Variants in PPP1R13L observed in about 807,000 individuals in gnomAD.
The protein encoded by PPP1R13L is protein phosphatase 1 regulatory subunit 13 like, also known as relA-associated inhibitor.
A neutral mutation model predicts 80.9 loss-of-function variants in PPP1R13L; 50 were observed. That is an observed-to-expected ratio of 0.62 (90% CI 0.49 to 0.78). PPP1R13L has a LOEUF of 0.78. PPP1R13L is among the 30% of genes least tolerant of loss of function. PPP1R13L has a pLI of 0.00. For synonymous variants in PPP1R13L, 602 were observed against 534.3 expected, an observed-to-expected ratio of 1.13 and a Z score of -1.75; for missense variants, 1,200 against 1,205.9, an observed-to-expected ratio of 1.00 and a Z score of 0.07.
At chr19:45,380,355 C>G in intron 12 of PPP1R13L, 127 bp from the exon 13 acceptor site, 1 of 1,044,460 alleles carries the variant, frequency 9.6e-7, no homozygotes, top group Non-Finnish European at 1.4e-6. Context: ...CAAACTGCTC[C>G]AGAATCCAAG....
intron 7 of PPP1R13L, 126 bp from the exon 8 acceptor site, chr19:45,392,466 C>A (rs1338425826): frequency 1.1e-6 from 1 of 944,430 alleles, no homozygotes; most frequent in Non-Finnish European, 1.7e-6. Context: ...GTTCCTTGCC[C>A]TCTCTGGGCT....
Position 45,385,603 on chromosome 19 carries a change from G to A in PPP1R13L, c.2207C>T (p.Pro736Leu), listed in dbSNP as rs1330747017. 4 of 1,613,066 alleles carry A rather than the reference G, an allele frequency of 2.5e-6. No individual in the cohort carries two copies. The African/African-American group carries it at 5.3e-5, about 22-fold the overall frequency. Residue 736 changes from proline to leucine, a missense_variant, in exon 11 of 13, where the codon CCT becomes CTT. Pro to Leu is a moderately conservative substitution (Grantham distance 98). Transcript: ENST00000360957. ...GCAGTCAGCATAACCCTCGCGGTAA[G>A]GGTCGCACTTCTCGAAGGCGGTGGC... ...DGATAFEKCD[P>L]YREGYADCAT...
chr19:45,398,429 C>T lies in PPP1R13L; in HGVS notation c.-21-90G>A, dbSNP rs1210112429. 51 of 1,267,476 alleles carry T rather than the reference C, an allele frequency of 4.0e-5. No homozygotes were observed. In the Admixed American group the frequency reaches 1.1e-3, roughly 27 times the overall value. 78.5% of individuals were successfully genotyped at this position (1,267,476 alleles called of 1,614,324 possible). On this transcript the variant is annotated intron_variant, in intron 1 of 12. Transcript: ENST00000360957. Reference sequence around the variant, plus strand: ...TCAGACGCCGTCAGGAGCGGGACAACGCCTCAACTCAGTTCCTTCCCCTGG... The same window carrying T: ...TCAGACGCCGTCAGGAGCGGGACAATGCCTCAACTCAGTTCCTTCCCCTGG...
In PPP1R13L at chr19:45,385,599, G is replaced by GT. The variant is rs759237982; in HGVS notation, c.2210dup (p.Tyr737Ter). The GT allele has an allele frequency of 6.2e-7, 1 of 1,613,086 alleles. No homozygotes were observed. The change falls in exon 11 of 13, where the codon TAC becomes TAAC. Residue 737 changes from tyrosine (Y) to a stop codon, truncating the protein, a stop_gained and frameshift_variant. Coordinates refer to ENST00000360957, the MANE Select transcript of PPP1R13L (RefSeq NM_006663.4). LOFTEE classifies it high-confidence loss of function. The part of the protein sequence containing the change: ...GATAFEKCDP[Y>*]REGYADCATY... Reference sequence around the variant, plus strand: ...TGGCGCAGTCAGCATAACCCTCGCGGTAAGGGTCGCACTTCTCGAAGGCGG... The same window carrying GT: ...TGGCGCAGTCAGCATAACCCTCGCGGTTAAGGGTCGCACTTCTCGAAGGCGG...
chr19:45,395,745 C>T lies in PPP1R13L; in HGVS notation c.1045G>A (p.Val349Ile), dbSNP rs575887352. 4 of 1,525,492 alleles carry T rather than the reference C, an allele frequency of 2.6e-6. 1 individual carries two copies. The South Asian group carries it at 5.0e-5, about 19-fold the overall frequency. 94.5% of individuals were successfully genotyped at this position (1,525,492 alleles called of 1,614,324 possible). A position where few individuals can be genotyped will look rare whatever the true frequency, so the allele number is the denominator to read the frequency against. The part of the protein sequence containing the change: ...SGTLPRSWQP[V>I]SRIPMPPSSP... Reference sequence around the variant, plus strand: ...GAGGGGGGCATGGGGATGCGGCTGACGGGCTGCCAGCTGCGAGGCAAAGTG... The same window carrying T: ...GAGGGGGGCATGGGGATGCGGCTGATGGGCTGCCAGCTGCGAGGCAAAGTG... Residue 349 changes from valine (V) to isoleucine (I), a missense_variant, in exon 7 of 13, where the codon GTC becomes ATC. Coordinates refer to ENST00000360957, the MANE Select transcript of PPP1R13L (RefSeq NM_006663.4).
intron 3 of PPP1R13L, among the ~76,000 whole-genome samples, chr19:45,397,503 T>TTTCTTTCTTTC (rs1973135925): frequency 7.3e-6 from 1 of 137,684 alleles, no homozygotes. Context: ...TCTTTCTTTC[T>TTTCTTTCTTTC]TTCTTTCTTT....
intron 1 of PPP1R13L, among the ~76,000 whole-genome samples, chr19:45,398,914 A>C (rs1973172103): frequency 6.6e-6 from 1 of 151,972 alleles, no homozygotes. Flanking sequence ...CTGAATGTTT[A>C]CTAGGGACCA....
chr19:45,386,303 C>T (rs928043953), intron 8 of PPP1R13L, 123 bp from the exon 9 acceptor site: 6 of 1,255,462 alleles, frequency 4.8e-6, no homozygotes, highest in Admixed American at 7.0e-5. Context: ...AACTGGGATT[C>T]CCTCGGGATG....
rs1233297041 is a variant in PPP1R13L, at chr19:45,399,490, G to GGC, written c.-21-1152_-21-1151insGC. ...ATACCAAAAATTAGCCAGGCGTGGT[G>GGC]ATGGACGCCTGTAGTCCCAGCTACT... On this transcript the variant is annotated intron_variant, in intron 1 of 12. Transcript: ENST00000360957. Among the ~76,000 whole-genome samples the GGC allele has an allele frequency of 4.8e-4, 73 of 151,276 alleles. 1 individual carries two copies. Among genetic ancestry groups the GGC allele is most frequent in the Admixed American group, 2.3e-3 (35 of 15,124 alleles).
In PPP1R13L at chr19:45,398,185, T is replaced by A. The variant is rs1434588300; in HGVS notation, c.56-38A>T. ...GAGTGGAGGTAAGGACCTGGCCTCC[T>A]GGCAGGGGCCGGCCTCAGCACCCCT... is the stretch of plus-strand genomic sequence containing the variant. On this transcript the variant is annotated intron_variant, in intron 2 of 12. Transcript: ENST00000360957. The A allele has an allele frequency of 3.7e-6, 6 of 1,612,342 alleles. No individual in the cohort carries two copies. In the African/African-American group the frequency reaches 8.0e-5, roughly 22 times the overall value.
intron 11 of PPP1R13L, among the ~76,000 whole-genome samples, chr19:45,383,293 CTTTT>C (rs1164667426): frequency 1.6e-5 from 1 of 62,824 alleles, no homozygotes; most frequent in Non-Finnish European, 2.7e-5. Context: ...CGCGCCCGGC[CTTTT>C]TTTTTTTTTT....
Position 45,395,123 on chromosome 19 carries a change from G to C in PPP1R13L, c.1354+313C>G, listed in dbSNP as rs1205761775. 4 of 320,278 alleles carry C rather than the reference G, an allele frequency of 1.2e-5. No homozygotes were observed. The East Asian group carries it at 3.3e-4, about 26-fold the overall frequency. The allele number at this position is 320,278 out of a possible 1,614,324, so 19.8% of individuals were successfully genotyped here. On this transcript the variant is annotated intron_variant, in intron 7 of 12. Transcript: ENST00000360957. ...GCCTCCCAAAGTGCTGGGATTACAG[G>C]CATGAGCCACCGTGCCCGGCCCATT...
Position 45,396,770 on chromosome 19 carries a change from G to T in PPP1R13L, c.487C>A (p.Pro163Thr). The T allele has an allele frequency of 7.4e-7, 1 of 1,356,618 alleles. No homozygotes were observed. Among genetic ancestry groups the T allele is most frequent in the African/African-American group, 1.5e-5 (1 of 65,192 alleles). The allele number at this position is 1,356,618 out of a possible 1,614,324, so 84.0% of individuals were successfully genotyped here. ...GGACCCTGCTGGCGGAGCGGGCCTG[G>T]CCCGGGCCGCGGGGAGGGCGCACGG... ...LGRAPSPRPG[P>T]GPLRQQGPPT... is the part of the protein sequence containing the mutation. The change falls in exon 4 of 13, where the codon CCA (proline) becomes ACA (threonine). Residue 163 changes from proline (P) to threonine (T), a missense_variant. Transcript: ENST00000360957. The surrounding 1 kb of genome is among the most constrained non-coding windows in gnomAD (Gnocchi z 5.3).
intron 1 of PPP1R13L, among the ~76,000 whole-genome samples, chr19:45,399,002 G>GGC (rs1468692207): frequency 2.0e-5 from 3 of 151,974 alleles, no homozygotes; most frequent in African/African-American, 7.2e-5. Context: ...GGAGTGCAGT[G>GGC]GCGCGATCTC....
rs36082224 is a variant in PPP1R13L at position 45,396,478 on chromosome 19, C to T, written c.713-42G>A. 6.8e-6 allele frequency: 11 copies of T among 1,611,824 alleles called. No individual in the cohort carries two copies. The highest frequency in any genetic ancestry group is 9.3e-6 in the Non-Finnish European group (11 of 1,179,454). On this transcript the variant is annotated intron_variant, in intron 4 of 12. Transcript: ENST00000360957. The surrounding 1 kb of genome is among the most constrained non-coding windows in gnomAD (Gnocchi z 5.3). ...AGGGAGGATGAGACGGGAGGGGTGG[C>T]GAGCCCCGGATCCTGCCCGCTTTGA...
At chr19:45,385,520 G>A in intron 11 of PPP1R13L, 42 bp downstream of exon 11, 2 of 1,566,220 alleles carry the variant, frequency 1.3e-6, no homozygotes, top group South Asian at 1.2e-5. Flanking sequence ...CCGCTCCTGC[G>A]CACCCGCCAG....
intron 1 of PPP1R13L, among the ~76,000 whole-genome samples, chr19:45,403,130 C>T (rs1230687597): frequency 6.6e-6 from 1 of 152,170 alleles, no homozygotes; most frequent in Non-Finnish European, 1.5e-5. Context: ...AATACCTTCG[C>T]CTCAAAGGGG....
At chr19:45,391,775 G>A in intron 8 of PPP1R13L, 105 bp downstream of exon 8, 1 of 862,682 alleles carries the variant, frequency 1.2e-6, no homozygotes, top group Non-Finnish European at 1.6e-6. Context: ...CTCAAAAGAG[G>A]AGAAAACTTC....
chr19:45,382,707 C>T lies in PPP1R13L; in HGVS notation c.2268G>A (p.Gly756=). ...TYLADVEQSM[G]LMNSGAVYAL... ...CGTACACTGCCCCGCTGTTCATCAGCCCCATACTCTGCTCGACGTCTGAAA... is the reference window on the plus strand; with the variant it reads ...CGTACACTGCCCCGCTGTTCATCAGTCCCATACTCTGCTCGACGTCTGAAA... The change falls in exon 12 of 13, where the codon GGG becomes GGA. Residue 756 remains glycine (G), a synonymous_variant. Transcript: ENST00000360957. 6.2e-7 allele frequency: 1 copy of T among 1,614,048 alleles called. No individual in the cohort carries two copies. Among genetic ancestry groups the T allele is most frequent in the Non-Finnish European group, 8.5e-7 (1 of 1,180,040 alleles).
Sources: allele counts gnomAD v4.1 joint callset (sites outside exome capture counted in the v4.1 genomes callset), GRCh38; gene constraint gnomAD v4.1.1; non-coding constraint Gnocchi (gnomAD v3.1); transcripts MANE v1.5; gene names NCBI Gene and HGNC (gene_info 2026-07-23, HGNC 2026-07-21).